NRXN1: variants seen among roughly 807,000 people sequenced by gnomAD.
NRXN1 encodes neurexin 1.
Under a neutral mutation model 150.9 loss-of-function variants are expected in NRXN1, and 39 were observed. That is an observed-to-expected ratio of 0.26 (90% CI 0.20 to 0.34). NRXN1 has a LOEUF of 0.34. NRXN1 is among the 10% of genes least tolerant of loss of function. The pLI, the probability that NRXN1 is intolerant of heterozygous loss-of-function variation, is 1.00. For missense variants in NRXN1, 1,815 were observed against 1,949.9 expected (o/e 0.93, Z 1.30); for synonymous variants, 924 against 757.0 (o/e 1.22, Z -3.62).
At chr2:49,941,846 T>C (rs1572957478) in intron 22 of NRXN1, among the ~76,000 whole-genome samples, 1 of 151,864 alleles carries the variant, frequency 6.6e-6, no homozygotes, top group South Asian at 2.1e-4. Flanking sequence ...GAAGATGAGA[T>C]AGAAAAAAGA....
At chr2:50,857,659 C>T (rs1675465937) in intron 5 of NRXN1, among the ~76,000 whole-genome samples, 1 of 152,092 alleles carries the variant, frequency 6.6e-6, no homozygotes, top group Non-Finnish European at 1.5e-5. Context: ...TATAATTCTT[C>T]AAGGCCTAGG....
intron 17 of NRXN1, among the ~76,000 whole-genome samples, chr2:50,263,576 A>T (rs2068530550): frequency 6.6e-6 from 1 of 152,166 alleles, no homozygotes; most frequent in Non-Finnish European, 1.5e-5. Flanking sequence ...TACTGCAGAA[A>T]CTGTGGAAAG....
At chr2:50,517,196 T>G (rs2092655309) in intron 12 of NRXN1, among the ~76,000 whole-genome samples, 1 of 152,256 alleles carries the variant, frequency 6.6e-6, no homozygotes, top group Middle Eastern at 3.4e-3. Flanking sequence ...TTAATGCATC[T>G]TAATAACGCA....
intron 5 of NRXN1, among the ~76,000 whole-genome samples, chr2:50,766,260 G>A: frequency 6.6e-6 from 1 of 151,968 alleles, no homozygotes; most frequent in Non-Finnish European, 1.5e-5. Context: ...CATGATTTAT[G>A]GTCTGAGGTG....
intron 17 of NRXN1, among the ~76,000 whole-genome samples, chr2:50,408,480 G>A (rs540084196): frequency 1.3e-5 from 2 of 152,294 alleles, no homozygotes; most frequent in African/African-American, 4.8e-5. Context: ...GGAACAGTCT[G>A]GCTTTCAGTC....
At chr2:50,285,981 T>C (rs1024045451) in intron 17 of NRXN1, among the ~76,000 whole-genome samples, 6 of 152,094 alleles carry the variant, frequency 3.9e-5, no homozygotes, top group African/African-American at 1.4e-4. Context: ...AGAAAAGATA[T>C]ATCTCTCAGG....
intron 5 of NRXN1, among the ~76,000 whole-genome samples, chr2:50,746,904 C>A (rs1299104092): frequency 6.6e-6 from 1 of 152,004 alleles, no homozygotes; most frequent in Non-Finnish European, 1.5e-5. Context: ...GGGTTGGAAG[C>A]AAATTTTTTT....
intron 5 of NRXN1, among the ~76,000 whole-genome samples, chr2:50,794,596 A>G (rs1013166137): frequency 1.3e-5 from 2 of 152,158 alleles, no homozygotes; most frequent in Non-Finnish European, 2.9e-5. Context: ...AATCAATTAA[A>G]CACAAGGAGC....
chr2:50,277,483 C>T (rs560484126), intron 17 of NRXN1, among the ~76,000 whole-genome samples: 8 of 146,122 alleles, frequency 5.5e-5, no homozygotes, highest in Admixed American at 2.1e-4. Flanking sequence ...CTTTTTCCTT[C>T]CTTTCTTCCC....
intron 18 of NRXN1, among the ~76,000 whole-genome samples, chr2:50,135,615 T>C (rs1381217164): frequency 6.6e-6 from 1 of 152,078 alleles, no homozygotes. Flanking sequence ...GGCGTGAACC[T>C]GGGAGTCAGA....
intron 17 of NRXN1, among the ~76,000 whole-genome samples, chr2:50,437,867 A>G (rs2104425184): frequency 1.3e-5 from 2 of 152,294 alleles, no homozygotes; most frequent in African/African-American, 4.8e-5. Context: ...AAACCTATTA[A>G]AATTCATTTG....
intron 5 of NRXN1, among the ~76,000 whole-genome samples, chr2:50,752,434 G>T (rs938799472): frequency 5.9e-5 from 9 of 151,910 alleles, no homozygotes; most frequent in Non-Finnish European, 1.2e-4. Context: ...TTTCTGCCAA[G>T]TACCAAGCTA....
intron 17 of NRXN1, among the ~76,000 whole-genome samples, chr2:50,421,548 A>G: frequency 6.6e-6 from 1 of 152,158 alleles, no homozygotes; most frequent in Non-Finnish European, 1.5e-5. Context: ...GCTGGGCTGC[A>G]TGTATCTGAT....
At chr2:50,084,577 GC>G (rs1698517937) in intron 19 of NRXN1, among the ~76,000 whole-genome samples, 1 of 152,088 alleles carries the variant, frequency 6.6e-6, no homozygotes, top group African/African-American at 2.4e-5. Flanking sequence ...CCCGGTTCCC[GC>G]CCGTGCCTCT....
intron 18 of NRXN1, among the ~76,000 whole-genome samples, chr2:50,115,598 A>T (rs1211287079): frequency 6.6e-6 from 1 of 152,012 alleles, no homozygotes; most frequent in African/African-American, 2.4e-5. Flanking sequence ...AGTCCTGTCC[A>T]ACTGCACAGC....
chr2:50,626,520 C>A (rs189469709), intron 5 of NRXN1, among the ~76,000 whole-genome samples: 25 of 151,952 alleles, frequency 1.6e-4, no homozygotes, highest in African/African-American at 6.0e-4. Context: ...GATAAGTGTG[C>A]AAAAGATAGA....
intron 5 of NRXN1, among the ~76,000 whole-genome samples, chr2:50,803,645 T>C (rs1018751677): frequency 3.3e-5 from 5 of 152,184 alleles, no homozygotes; most frequent in African/African-American, 4.8e-5. Flanking sequence ...AGCATATCCT[T>C]GCAAATGGAA....
At chr2:50,265,978 T>TTAC (rs1337985874) in intron 17 of NRXN1, among the ~76,000 whole-genome samples, 1 of 93,460 alleles carries the variant, frequency 1.1e-5, no homozygotes. Context: ...ATTATTATTA[T>TTAC]TATTATTATT....
chr2:50,189,460 C>G (rs192414739), intron 18 of NRXN1, among the ~76,000 whole-genome samples: 1 of 152,230 alleles, frequency 6.6e-6, no homozygotes, highest in East Asian at 1.9e-4. Context: ...CACACGTATA[C>G]TTATGTAACA....
Sources: gnomAD v4.1 joint callset for allele counts (sites outside exome capture counted in the v4.1 genomes callset) on GRCh38, gnomAD v4.1.1 for gene constraint, MANE v1.5 for transcripts, NCBI Gene and HGNC (gene_info 2026-07-23, HGNC 2026-07-21) for gene names.